Variants in UGT8 observed in about 807,000 individuals in gnomAD.
The protein encoded by UGT8 is UDP glycosyltransferase 8, also known as 2-hydroxyacylsphingosine 1-beta-galactosyltransferase.
UGT8 carries 12 observed loss-of-function variants against 40.5 expected under a neutral mutation model. That is an observed-to-expected ratio of 0.30 (90% CI 0.19 to 0.48). The LOEUF is 0.48. Ranked by LOEUF, UGT8 falls within the 20% of genes least tolerant of loss-of-function variation. UGT8 has a pLI of 0.99. For missense variants in UGT8, 513 were observed against 648.7 expected, an observed-to-expected ratio of 0.79 and a Z score of 2.27; for synonymous variants, 224 against 240.4, an observed-to-expected ratio of 0.93 and a Z score of 0.63.
At chr4:114,659,617 G>C (rs191632038) in intron 2 of UGT8, among the ~76,000 whole-genome samples, 1 of 152,238 alleles carries the variant, frequency 6.6e-6, no homozygotes, top group Admixed American at 6.5e-5. Context: ...TGCAGTGCTG[G>C]TCTACGTACA....
chr4:114,643,851 A>G (rs1187316232), intron 2 of UGT8, among the ~76,000 whole-genome samples: 5 of 152,090 alleles, frequency 3.3e-5, no homozygotes, highest in African/African-American at 1.2e-4. Context: ...CAAACTCTCA[A>G]TGCTTCTTTC....
intron 1 of UGT8, among the ~76,000 whole-genome samples, chr4:114,614,749 A>G (rs941971949): frequency 6.6e-6 from 1 of 152,020 alleles, no homozygotes; most frequent in Non-Finnish European, 1.5e-5. Flanking sequence ...TTGAAAATCT[A>G]GAGTTACTTA....
chr4:114,601,640 T>A (rs1347636293), intron 1 of UGT8, among the ~76,000 whole-genome samples: 2 of 152,172 alleles, frequency 1.3e-5, no homozygotes, highest in Non-Finnish European at 2.9e-5. Flanking sequence ...TCTTACTGTC[T>A]TCCTTGTTCC....
At chr4:114,656,923 A>G (rs751147143) in intron 2 of UGT8, 5 of 444,740 alleles carry the variant, frequency 1.1e-5, no homozygotes, top group Non-Finnish European at 1.8e-5. Flanking sequence ...TTATTCTTTG[A>G]TATGTCCCAA....
intron 2 of UGT8, among the ~76,000 whole-genome samples, chr4:114,653,432 T>C (rs1325632373): frequency 6.6e-6 from 1 of 152,102 alleles, no homozygotes; most frequent in East Asian, 1.9e-4. Flanking sequence ...CTGGAAATTA[T>C]GTGAATTTGA....
At chr4:114,605,276 A>T (rs900293156) in intron 1 of UGT8, among the ~76,000 whole-genome samples, 5 of 152,292 alleles carry the variant, frequency 3.3e-5, no homozygotes, top group Admixed American at 6.5e-5. Flanking sequence ...AGATGGAAAG[A>T]TGTATAGTAG....
chr4:114,609,100 G>T (rs1204760591), intron 1 of UGT8, among the ~76,000 whole-genome samples: 2 of 152,078 alleles, frequency 1.3e-5, no homozygotes, highest in Non-Finnish European at 2.9e-5. Flanking sequence ...AGGTGAAGTG[G>T]TGCAGGTCTG....
At chr4:114,634,670 A>G (rs1732778990) in intron 2 of UGT8, among the ~76,000 whole-genome samples, 1 of 152,230 alleles carries the variant, frequency 6.6e-6, no homozygotes. Context: ...CTCCTTTAAC[A>G]ATCTTCTTAC....
intron 2 of UGT8, among the ~76,000 whole-genome samples, chr4:114,656,214 CTCA>C (rs1734176657): frequency 6.6e-6 from 1 of 152,132 alleles, no homozygotes; most frequent in Admixed American, 6.5e-5. Context: ...GTAAATATTT[CTCA>C]TCAGTCTCTG....
intron 1 of UGT8, among the ~76,000 whole-genome samples, chr4:114,621,299 A>G (rs1043271659): frequency 6.6e-6 from 1 of 152,158 alleles, no homozygotes; most frequent in Non-Finnish European, 1.5e-5. Context: ...ACTGAGATCC[A>G]TTAACCCTCT....
chr4:114,621,461 A>G (rs940051133), intron 1 of UGT8, among the ~76,000 whole-genome samples: 5 of 152,190 alleles, frequency 3.3e-5, no homozygotes, highest in African/African-American at 4.8e-5. Flanking sequence ...CTCTGGAAAA[A>G]AGTCTTTTCT....
chr4:114,634,988 A>G (rs889552292), intron 2 of UGT8, among the ~76,000 whole-genome samples: 2 of 151,960 alleles, frequency 1.3e-5, no homozygotes, highest in Admixed American at 6.6e-5. Flanking sequence ...AGTGAGAGGC[A>G]TAGAAAAGGA....
chr4:114,645,606 G>A (rs1308532106), intron 2 of UGT8, among the ~76,000 whole-genome samples: 4 of 151,996 alleles, frequency 2.6e-5, no homozygotes, highest in African/African-American at 9.7e-5. Context: ...TATACAAGAT[G>A]AAAAGAGAAA....
chr4:114,621,257 A>C (rs1731771383), intron 1 of UGT8, among the ~76,000 whole-genome samples: 2 of 152,280 alleles, frequency 1.3e-5, no homozygotes, highest in South Asian at 2.1e-4. Flanking sequence ...CTGAGACATA[A>C]TCATTCATCA....
intron 2 of UGT8, among the ~76,000 whole-genome samples, chr4:114,644,553 C>T (rs2126116342): frequency 6.6e-6 from 1 of 152,214 alleles, no homozygotes; most frequent in East Asian, 1.9e-4. Flanking sequence ...GAGTTCTTGG[C>T]CCCTCATTTG....
chr4:114,660,664 G>A (rs916550005), intron 2 of UGT8, among the ~76,000 whole-genome samples: 1 of 151,964 alleles, frequency 6.6e-6, no homozygotes, highest in African/African-American at 2.4e-5. Context: ...AGGCCAAGAC[G>A]GGCAGATCAC....
intron 2 of UGT8, among the ~76,000 whole-genome samples, chr4:114,659,385 T>C (rs1214086262): frequency 5.3e-5 from 8 of 152,234 alleles, no homozygotes; most frequent in Non-Finnish European, 1.0e-4. Context: ...TTAAGTTGCA[T>C]AGGAATGGAA....
chr4:114,615,935 G>A (rs1244702936), intron 1 of UGT8, among the ~76,000 whole-genome samples: 1 of 148,954 alleles, frequency 6.7e-6, no homozygotes, highest in Non-Finnish European at 1.5e-5. Context: ...AACAGCAAAT[G>A]TTGCTGCCTG....
At chr4:114,630,351 A>G (rs935119920) in intron 2 of UGT8, among the ~76,000 whole-genome samples, 2 of 152,228 alleles carry the variant, frequency 1.3e-5, no homozygotes, top group African/African-American at 4.8e-5. Context: ...TAAAATGAGG[A>G]TAGCATGTCA....
Sources: allele counts gnomAD v4.1 joint callset (sites outside exome capture counted in the v4.1 genomes callset), GRCh38; gene constraint gnomAD v4.1.1; transcripts MANE v1.5; gene names NCBI Gene and HGNC (gene_info 2026-07-23, HGNC 2026-07-21).